The following ZFR2 variants were observed in gnomAD, a reference collection of about 807,000 sequenced individuals.
The protein encoded by ZFR2 is zinc finger RNA binding protein 2.
In ZFR2, 104 loss-of-function variants were observed where a neutral mutation model predicts 105.7. That is an observed-to-expected ratio of 0.98 (90% confidence interval 0.84 to 1.16). The LOEUF (loss-of-function observed/expected upper bound fraction) is 1.16. Among genes scored for constraint, ZFR2 ranks in the 50% most tolerant of loss-of-function variants. The pLI is 0.00. For missense variants in ZFR2, 1,425 were observed against 1,355.5 expected, an observed-to-expected ratio of 1.05 and a Z score of -0.80; for synonymous variants, 634 against 597.7, an observed-to-expected ratio of 1.06 and a Z score of -0.89.
In ZFR2 at chr19:3,811,388, G is replaced by C. The variant is rs1438595437; in HGVS notation, c.2243-22C>G. The C allele has an allele frequency of 3.2e-6, 5 of 1,557,162 alleles. No individual in the cohort carries two copies. In the African/African-American group the frequency reaches 4.1e-5, roughly 13 times the overall value. ...ACACCTTCTAGAAGAAAAACCTCGAGGTGTGCGGGGAAGGTGCCTCGTCCC... is the reference window on the plus strand; with the variant it reads ...ACACCTTCTAGAAGAAAAACCTCGACGTGTGCGGGGAAGGTGCCTCGTCCC... On this transcript the variant is annotated intron_variant, in intron 14 of 18. Coordinates refer to ENST00000262961, the MANE Select transcript of ZFR2 (RefSeq NM_015174.2).
In ZFR2 at chr19:3,825,240, G is replaced by A; in HGVS notation, c.1203C>T (p.Ala401=). ...ALAKRPVASK[A]LCEGPPEPQA... ...TACAGACACACGTACCCTCGCATAAGGCCTTCGAGGCCACGGGTCTCTTGG... is the reference window on the plus strand; with the variant it reads ...TACAGACACACGTACCCTCGCATAAAGCCTTCGAGGCCACGGGTCTCTTGG... The change falls in exon 7 of 19, where the codon GCC becomes GCT. Residue 401 remains alanine, a synonymous_variant. Coordinates refer to ENST00000262961, the MANE Select transcript of ZFR2 (RefSeq NM_015174.2). 1 of 1,542,104 alleles carries A rather than the reference G, an allele frequency of 6.5e-7. No homozygotes were observed. The highest frequency in any genetic ancestry group is 8.7e-7 in the Non-Finnish European group (1 of 1,152,798).
rs187475637 is a variant in ZFR2, at chr19:3,846,232, C to T, written c.54-11249G>A. Among the ~76,000 whole-genome samples the T allele has an allele frequency of 2.8e-3, 420 of 152,376 alleles. 10 individuals carry two copies. The highest frequency in any genetic ancestry group is 6.2e-4 in the Non-Finnish European group (42 of 68,044). ...CCTTAGGTGATCCACCCGCCTCAGC[C>T]TCCCACAGTGCTGGGATTACAGGCG... On this transcript the variant is annotated intron_variant, in intron 1 of 18. Coordinates refer to ENST00000262961, the MANE Select transcript of ZFR2 (RefSeq NM_015174.2).
At chr19:3,827,190 C>T (rs1007216464) in intron 6 of ZFR2, among the ~76,000 whole-genome samples, 4 of 152,086 alleles carry the variant, frequency 2.6e-5, no homozygotes, top group Admixed American at 6.6e-5. Flanking sequence ...TGCAGTGAGC[C>T]GAGATTGTGC....
rs764868488 is a variant in ZFR2, at chr19:3,813,866, T to C, written c.2196A>G (p.Ile732Met). 15 of 1,613,862 alleles carry C rather than the reference T, an allele frequency of 9.3e-6. No homozygotes were observed. The highest frequency in any genetic ancestry group is 1.3e-5 in the Non-Finnish European group (15 of 1,179,846). ...CCCGCATCAGAGGTGAGGTGACAGA[T>C]ATGGTGACCTGCATCCTGGGCTCCT... is the stretch of plus-strand genomic sequence containing the variant. ...SCEEPRMQVTISVTSPLMRED... is the reference protein window; with the variant it reads ...SCEEPRMQVTMSVTSPLMRED... The change falls in exon 14 of 19, where the codon ATA becomes ATG. Residue 732 changes from isoleucine to methionine, a missense_variant. Transcript: ENST00000262961. The surrounding 1 kb of genome is among the most constrained non-coding windows in gnomAD (Gnocchi z 4.4).
In ZFR2 at chr19:3,853,035, G is replaced by C. The variant is rs144203106; in HGVS notation, c.53+15930C>G. Among the ~76,000 whole-genome samples, 622 of 152,280 alleles carry C rather than the reference G, an allele frequency of 4.1e-3. 3 individuals carry two copies. The highest frequency in any genetic ancestry group is 0.014 in the African/African-American group (602 of 41,554). ...GGCTCACCTGTAATCCCAGCACTTC[G>C]GGAGGATCACTTGAGCCCAGGAGTT... is the stretch of plus-strand genomic sequence containing the variant. On this transcript the variant is annotated intron_variant, in intron 1 of 18. Transcript: ENST00000262961.
At chr19:3,829,603 C>G (rs763965941) in intron 5 of ZFR2, among the ~76,000 whole-genome samples, 5 of 152,036 alleles carry the variant, frequency 3.3e-5, no homozygotes, top group Non-Finnish European at 5.9e-5. Context: ...GCCTTGGACT[C>G]CTGGGCTCAA....
chr19:3,810,634 A>G, intron 16 of ZFR2, 116 bp downstream of exon 16: 1 of 980,090 alleles, frequency 1.0e-6, no homozygotes, highest in Non-Finnish European at 1.5e-6. Context: ...CCTGAGTACT[A>G]GGTCTCCCGC....
Position 3,822,198 on chromosome 19 carries a change from C to G in ZFR2, c.1374G>C (p.Val458=). The change falls in exon 9 of 19, where the codon GTG becomes GTC. Residue 458 remains valine (V), a splice_region_variant and synonymous_variant. Coordinates refer to ENST00000262961, the MANE Select transcript of ZFR2 (RefSeq NM_015174.2). ...GAAGCACTCGCCCTTCGTCGCTGAA[C>G]ACCTGAGACACAGAACAGCCGCACG... is the stretch of plus-strand genomic sequence containing the variant. The part of the protein sequence containing the change: ...QPVGPEYVEE[V]FSDEGRVLRF... 1.9e-6 allele frequency: 3 copies of G among 1,586,824 alleles called. No homozygotes were observed. In the East Asian group the frequency reaches 6.9e-5, roughly 37 times the overall value.
intron 17 of ZFR2, among the ~76,000 whole-genome samples, chr19:3,808,030 CAT>C (rs1355213531): frequency 7.0e-5 from 9 of 128,774 alleles, no homozygotes; most frequent in African/African-American, 2.4e-4. Flanking sequence ...TATGTGCACT[CAT>C]GTCCTTGTGT....
chr19:3,848,787 C>T (rs535031898), intron 1 of ZFR2, among the ~76,000 whole-genome samples: 2 of 151,958 alleles, frequency 1.3e-5, no homozygotes, highest in East Asian at 2.0e-4. Context: ...GTCAGGAGAT[C>T]GAGACCATCC....
chr19:3,819,029 G>T lies in ZFR2; in HGVS notation c.1931+16C>A. ...TGGCTGAGAGCCGGGCCCTGGGGAA[G>T]GGGATCTCCAATGACCTGCGCTTGT... is the stretch of plus-strand genomic sequence containing the variant. On this transcript the variant is annotated intron_variant, in intron 12 of 18. Transcript: ENST00000262961. 2 of 1,609,904 alleles carry T rather than the reference G, an allele frequency of 1.2e-6. No homozygotes were observed. The highest frequency in any genetic ancestry group is 8.5e-7 in the Non-Finnish European group (1 of 1,179,004).
rs763822890 is a variant in ZFR2 at position 3,831,661 on chromosome 19, C to A, written c.597G>T (p.Thr199=). 22 of 1,542,616 alleles carry A rather than the reference C, an allele frequency of 1.4e-5. No homozygotes were observed. The highest frequency in any genetic ancestry group is 4.7e-5 in the East Asian group (2 of 42,840). The part of the protein sequence containing the change: ...PSYNPTCTAY[T]APSYPNYDAS... ...CTGGGCAAGGAACGCTGGTCTTACCCGTGTAGGCGGTGCAGGTGGGGTTGT... is the reference window on the plus strand; with the variant it reads ...CTGGGCAAGGAACGCTGGTCTTACCAGTGTAGGCGGTGCAGGTGGGGTTGT... The change falls in exon 4 of 19, where the codon ACG becomes ACT. Residue 199 remains threonine (T), a splice_region_variant and synonymous_variant. Coordinates refer to ENST00000262961, the MANE Select transcript of ZFR2 (RefSeq NM_015174.2).
chr19:3,850,723 AAACAACAAC>A (rs59895843), intron 1 of ZFR2, among the ~76,000 whole-genome samples: 69,568 of 148,018 alleles, frequency 0.47, 16,600 homozygotes, highest in East Asian at 0.54. Context: ...CTCTACAGAA[AAACAACAAC>A]AACAACAACA....
chr19:3,829,482 TTTGTTG>T (rs900868933), intron 5 of ZFR2, among the ~76,000 whole-genome samples: 84 of 149,694 alleles, frequency 5.6e-4, no homozygotes, highest in African/African-American at 2.1e-3. Context: ...GTGTGTGTGT[TTTGTTG>T]TTGTTGTTGT....
intron 1 of ZFR2, among the ~76,000 whole-genome samples, chr19:3,859,064 G>A (rs754639280): frequency 2.6e-5 from 4 of 152,092 alleles, no homozygotes; most frequent in Admixed American, 1.3e-4. Context: ...CATTTGAGCC[G>A]GTGGACAGGG....
Position 3,813,765 on chromosome 19 carries a change from G to A in ZFR2, c.2242+55C>T, listed in dbSNP as rs938764662. 1.9e-6 allele frequency: 3 copies of A among 1,600,298 alleles called. No individual in the cohort carries two copies. The highest frequency in any genetic ancestry group is 3.4e-5 in the Admixed American group (2 of 59,196). ...GCTGCCCCAGGCCTGGGTGTGGGGA[G>A]CGCCCTGGGGAAGCGTGAGGGGGAC... On this transcript the variant is annotated intron_variant, in intron 14 of 18. Coordinates refer to ENST00000262961, the MANE Select transcript of ZFR2 (RefSeq NM_015174.2). The surrounding 1 kb of genome is among the most constrained non-coding windows in gnomAD (Gnocchi z 4.4).
chr19:3,814,053 C>A, intron 13 of ZFR2, 95 bp from the exon 14 acceptor site: 2 of 1,531,988 alleles, frequency 1.3e-6, no homozygotes, highest in East Asian at 2.4e-5. Context: ...AAATTAATCC[C>A]GTCGGGCCTC....
chr19:3,807,059 A>C (rs1018142310), intron 18 of ZFR2, 113 bp downstream of exon 18: 1 of 785,940 alleles, frequency 1.3e-6, no homozygotes, highest in African/African-American at 1.7e-5. Context: ...GTTCCTGTAC[A>C]TCTCAGTGGG....
At chr19:3,825,548 C>A in intron 6 of ZFR2, 141 bp from the exon 7 acceptor site, 1 of 1,148,520 alleles carries the variant, frequency 8.7e-7, no homozygotes, top group Non-Finnish European at 1.2e-6. Flanking sequence ...CTTCTCTCCT[C>A]CTGCTCTCTG....
Sources: gnomAD v4.1 joint callset for allele counts (sites outside exome capture counted in the v4.1 genomes callset) on GRCh38, gnomAD v4.1.1 for gene constraint, Gnocchi (gnomAD v3.1) non-coding constraint, MANE v1.5 for transcripts, NCBI Gene and HGNC (gene_info 2026-07-23, HGNC 2026-07-21) for gene names.